Variants in CTTN observed in about 807,000 individuals in gnomAD.
CTTN encodes the protein src substrate cortactin.
In CTTN, 28 loss-of-function variants were observed where a neutral mutation model predicts 84.0. That is an observed-to-expected ratio of 0.33 (90% CI 0.25 to 0.46). The LOEUF (loss-of-function observed/expected upper bound fraction) is 0.46. Ranked by LOEUF, CTTN falls within the 20% of genes least tolerant of loss-of-function variation. The probability of loss-of-function intolerance (pLI) is 1.00; values close to 1 mark genes in which losing one functional copy is unlikely to be tolerated. For synonymous variants in CTTN, 301 were observed against 288.8 expected (o/e 1.04, Z -0.43); for missense variants, 641 against 723.8 (o/e 0.89, Z 1.31).
chr11:70,428,507 T>C (rs1158138083), intron 13 of CTTN, among the ~76,000 whole-genome samples: 1 of 152,084 alleles, frequency 6.6e-6, no homozygotes, highest in Non-Finnish European at 1.5e-5. Flanking sequence ...TTTTTCTTAA[T>C]AGACACGGGG....
intron 1 of CTTN, among the ~76,000 whole-genome samples, chr11:70,400,289 G>A (rs1267320235): frequency 6.6e-6 from 1 of 152,076 alleles, no homozygotes; most frequent in Non-Finnish European, 1.5e-5. Flanking sequence ...GGCAACACAG[G>A]GAGACCTTGT....
intron 1 of CTTN, among the ~76,000 whole-genome samples, chr11:70,404,487 G>A (rs2058021315): frequency 6.6e-6 from 1 of 152,174 alleles, no homozygotes; most frequent in African/African-American, 2.4e-5. Context: ...CCAGTCTCAT[G>A]TCTTGATAGA....
intron 13 of CTTN, 87 bp downstream of exon 13, chr11:70,425,488 A>AT: frequency 1.1e-6 from 1 of 921,848 alleles, no homozygotes; most frequent in South Asian, 1.4e-5. Flanking sequence ...CCAGGAGCAG[A>AT]TGCACCACTA....
chr11:70,414,100 C>T lies in CTTN; in HGVS notation c.292-442C>T, dbSNP rs920218666. 3.3e-5 allele frequency among the ~76,000 whole-genome samples: 5 copies of T among 152,080 alleles called. No homozygotes were observed. The South Asian group carries it at 1.0e-3, about 32-fold the overall frequency. On this transcript the variant is annotated intron_variant, in intron 5 of 17. Coordinates refer to ENST00000301843, the MANE Select transcript of CTTN (RefSeq NM_005231.4). ...GTGTCTCACGCCTGTAATCCCAGCA[C>T]TTTGGGAGGCCGAGGCGGGTGGATC...
chr11:70,415,769 G>T, intron 7 of CTTN, 52 bp downstream of exon 7: 1 of 1,575,474 alleles, frequency 6.3e-7, no homozygotes, highest in South Asian at 1.1e-5. Flanking sequence ...CCGATGGGGA[G>T]AGTCACAGCC....
rs778569626 is a variant in CTTN at position 70,435,470 on chromosome 11, A to C, written c.*308A>C. On this transcript the variant is annotated 3_prime_UTR_variant, in exon 18 of 18. Transcript: ENST00000301843. ...AAATTGACTGTCACGCGGCAGCTTC[A>C]GGGAGCTCGCATTCTCTTGTGTTCG... The C allele has an allele frequency of 5.2e-6, 8 of 1,545,254 alleles. No individual in the cohort carries two copies. The Admixed American group carries it at 1.6e-4, about 30-fold the overall frequency.
intron 8 of CTTN, among the ~76,000 whole-genome samples, 164 bp downstream of exon 8, chr11:70,417,287 A>T (rs551385056): frequency 1.3e-5 from 2 of 152,334 alleles, no homozygotes; most frequent in African/African-American, 4.8e-5. Context: ...ATGGCTGCAC[A>T]GTTCCCCATC....
chr11:70,401,235 C>T (rs1019009456), intron 1 of CTTN, among the ~76,000 whole-genome samples: 2 of 151,918 alleles, frequency 1.3e-5, no homozygotes, highest in Middle Eastern at 3.2e-3. Context: ...CTTTGGGAGG[C>T]TGAGGTGGGC....
chr11:70,425,255 G>A, intron 12 of CTTN, 77 bp from the exon 13 acceptor site: 1 of 1,153,798 alleles, frequency 8.7e-7, no homozygotes, highest in Non-Finnish European at 1.3e-6. Flanking sequence ...GAAGGCATTT[G>A]CATCTGGCAG....
intron 1 of CTTN, among the ~76,000 whole-genome samples, chr11:70,399,385 A>G (rs1165127589): frequency 6.8e-6 from 1 of 146,304 alleles, no homozygotes; most frequent in African/African-American, 2.5e-5. Flanking sequence ...CGCAGGGAAA[A>G]GGGATGGGGT....
intron 12 of CTTN, among the ~76,000 whole-genome samples, chr11:70,424,195 T>C (rs573808829): frequency 2.9e-3 from 445 of 151,816 alleles, no homozygotes; most frequent in Non-Finnish European, 4.6e-3. Flanking sequence ...CCCAGTGAGG[T>C]AGCAGGGGCC....
At chr11:70,418,396 T>A (rs950494466) in intron 8 of CTTN, among the ~76,000 whole-genome samples, 1 of 152,250 alleles carries the variant, frequency 6.6e-6, no homozygotes, top group African/African-American at 2.4e-5. Context: ...CGAAGCTGCA[T>A]GAGTGTGTGA....
chr11:70,433,326 C>T (rs544197726), intron 16 of CTTN, 48 bp downstream of exon 16: 84 of 1,529,836 alleles, frequency 5.5e-5, no homozygotes, highest in African/African-American at 3.9e-4. Context: ...AGGGAGCTCC[C>T]GGGACATCCT....
In CTTN at chr11:70,435,651, A is replaced by C; in HGVS notation, c.*489A>C. 6.3e-7 allele frequency: 1 copy of C among 1,596,196 alleles called. No homozygotes were observed. The highest frequency in any genetic ancestry group is 1.1e-5 in the South Asian group (1 of 90,494). On this transcript the variant is annotated 3_prime_UTR_variant, in exon 18 of 18. Transcript: ENST00000301843. ...GGGAGGAGAGGACTGGGCCTGATGG[A>C]AGTTAACCCGGAGCTAAGTCACCCA... is the stretch of plus-strand genomic sequence containing the variant.
intron 13 of CTTN, among the ~76,000 whole-genome samples, chr11:70,428,539 GGTCTCAAACTCCTGATCTCAGTCTTCCC>G (rs1242891779): frequency 6.6e-6 from 1 of 151,802 alleles, no homozygotes; most frequent in African/African-American, 2.4e-5. Flanking sequence ...TTCCCAGGCT[GGTCTCAAACTCCTGATCTCAGTCTTCCC>G]GTCTCAACCT....
chr11:70,409,794 T>A, intron 4 of CTTN, 37 bp from the exon 5 acceptor site: 1 of 1,606,900 alleles, frequency 6.2e-7, no homozygotes, highest in African/African-American at 1.3e-5. Context: ...CACGTCTGTT[T>A]TATTGATCTG....
intron 12 of CTTN, 148 bp downstream of exon 12, chr11:70,423,143 CG>C: frequency 3.0e-6 from 3 of 997,642 alleles, no homozygotes. Context: ...ATGACTGACT[CG>C]GACAGTCTTG....
chr11:70,418,536 T>C (rs1041314058), intron 8 of CTTN, among the ~76,000 whole-genome samples: 1 of 152,194 alleles, frequency 6.6e-6, no homozygotes, highest in Non-Finnish European at 1.5e-5. Context: ...AGAGTCATGT[T>C]TTGGTGTCAC....
intron 13 of CTTN, among the ~76,000 whole-genome samples, chr11:70,425,621 G>A (rs568438711): frequency 4.6e-5 from 7 of 152,352 alleles, no homozygotes; most frequent in African/African-American, 1.7e-4. Context: ...AGCCGTTTCA[G>A]TGGGGCCCGT....
Sources: gnomAD v4.1 joint callset for allele counts (sites outside exome capture counted in the v4.1 genomes callset) on GRCh38, gnomAD v4.1.1 for gene constraint, MANE v1.5 for transcripts, NCBI Gene and HGNC (gene_info 2026-07-23, HGNC 2026-07-21) for gene names.